Variants in GREB1 observed in about 807,000 individuals in gnomAD.
The protein encoded by GREB1 is protein GREB1.
GREB1 carries 106 observed loss-of-function variants against 200.7 expected under a neutral mutation model. The observed-to-expected ratio is 0.53, with a 90% CI of 0.45 to 0.62. The LOEUF (loss-of-function observed/expected upper bound fraction) is 0.62. Among genes scored for constraint, GREB1 ranks in the 20% least tolerant of loss-of-function variants. The probability of loss-of-function intolerance (pLI) is 0.00; values close to 1 mark genes in which losing one functional copy is unlikely to be tolerated. For synonymous variants in GREB1, 1,132 were observed against 1,092.4 expected, an observed-to-expected ratio of 1.04 and a Z score of -0.72; for missense variants, 2,243 against 2,556.8, an observed-to-expected ratio of 0.88 and a Z score of 2.65.
At chr2:11,555,176 C>T (rs2147861654) in intron 1 of GREB1, among the ~76,000 whole-genome samples, 1 of 151,870 alleles carries the variant, frequency 6.6e-6, no homozygotes, top group South Asian at 2.1e-4. Context: ...CAAGTTAAAC[C>T]AAAGGGAAAT....
chr2:11,597,734 GCCGTGTGCCCT>G lies in GREB1; in HGVS notation c.1955-46_1955-36del. The G allele has an allele frequency of 6.4e-7, 1 of 1,558,692 alleles. No individual in the cohort carries two copies. Among genetic ancestry groups the G allele is most frequent in the Non-Finnish European group, 8.8e-7 (1 of 1,130,718 alleles). On this transcript the variant is annotated intron_variant, in intron 13 of 32. Coordinates refer to ENST00000381486, the MANE Select transcript of GREB1 (RefSeq NM_014668.4). This position sits in a 1 kb window ranked among gnomAD's most constrained non-coding sequence, Gnocchi z 4.1. ...TTCTCTGGCCAAGGGCCTGGCAGTA[GCCGTGTGCCCT>G]GGAGCTCACCTGGCATCCTGGGGCT...
intron 3 of GREB1, among the ~76,000 whole-genome samples, chr2:11,565,691 G>T (rs1677561122): frequency 6.6e-6 from 1 of 152,192 alleles, no homozygotes; most frequent in Admixed American, 6.5e-5. Flanking sequence ...GTTCTGAAGG[G>T]CATGGAATGA....
At chr2:11,490,060 C>T (rs865783555) in intron 1 of GREB1, among the ~76,000 whole-genome samples, 2 of 150,488 alleles carry the variant, frequency 1.3e-5, no homozygotes, top group East Asian at 3.9e-4. Flanking sequence ...TACAATTTTA[C>T]AGTTTATGTG....
Position 11,596,124 on chromosome 2 carries a change from C to A in GREB1, c.1839C>A (p.Asp613Glu). 6.2e-7 allele frequency: 1 copy of A among 1,613,442 alleles called. No homozygotes were observed. The highest frequency in any genetic ancestry group is 8.5e-7 in the Non-Finnish European group (1 of 1,179,564). The change falls in exon 13 of 33, where the codon GAC becomes GAA. Residue 613 changes from aspartate (D) to glutamate (E), a missense_variant. Asp to Glu is a conservative substitution (Grantham distance 45). Coordinates refer to ENST00000381486, the MANE Select transcript of GREB1 (RefSeq NM_014668.4). ...FSTLCPEGDIDILLDKFHQEN... is the reference protein window; with the variant it reads ...FSTLCPEGDIEILLDKFHQEN... ...TGTCTTGGGCAGAGGGTGACATTGA[C>A]ATTTTGCTGGACAAATTTCACCAGG...
intron 4 of GREB1, among the ~76,000 whole-genome samples, chr2:11,570,444 A>G (rs1474470404): frequency 3.3e-5 from 5 of 151,936 alleles, no homozygotes; most frequent in African/African-American, 1.2e-4. Context: ...TAGAAATCCA[A>G]TACAATTATC....
intron 1 of GREB1, among the ~76,000 whole-genome samples, chr2:11,538,852 C>T (rs1263687637): frequency 7.5e-6 from 1 of 133,574 alleles, no homozygotes; most frequent in Admixed American, 7.5e-5. Flanking sequence ...TCCCTTCCTT[C>T]CTTCCTCCCT....
At chr2:11,542,881 C>G (rs751169508) in intron 1 of GREB1, 5 of 152,474 alleles carry the variant, frequency 3.3e-5, no homozygotes, top group Admixed American at 2.6e-4. Flanking sequence ...ATTCTAACAG[C>G]GGTGGCATCC....
rs1443786153 is a variant in GREB1 at position 11,621,006 on chromosome 2, C to T, written c.4146C>T (p.Ile1382=). 2 of 1,572,476 alleles carry T rather than the reference C, an allele frequency of 1.3e-6. No individual in the cohort carries two copies. The highest frequency in any genetic ancestry group is 1.8e-6 in the Non-Finnish European group (2 of 1,141,996). ...TCTATGACGAGGAGGAGATCAATAT[C>T]AGTGAGTTATCTGTTTGGGGTTATG... ...VDVYDEEEIN[I]NLREESDWHY... The change falls in exon 23 of 33, where the codon ATC becomes ATT. Residue 1382 remains isoleucine, a splice_region_variant and synonymous_variant. Coordinates refer to ENST00000381486, the MANE Select transcript of GREB1 (RefSeq NM_014668.4).
intron 1 of GREB1, among the ~76,000 whole-genome samples, chr2:11,537,243 C>T (rs1034828019): frequency 1.3e-5 from 2 of 152,182 alleles, no homozygotes; most frequent in African/African-American, 2.4e-5. Context: ...GGATAACAGT[C>T]GTGAGCCACC....
intron 24 of GREB1, 84 bp downstream of exon 24, chr2:11,625,396 GA>G: frequency 1.5e-6 from 2 of 1,347,250 alleles, no homozygotes; most frequent in Non-Finnish European, 2.1e-6. Context: ...TGTTAGGCAT[GA>G]AATCAGGTGG....
At position 11,588,968 on chromosome 2, in the gene GREB1, G is replaced by A. The variant is rs758906532; in HGVS notation, c.1345+37G>A. 4 of 1,569,766 alleles carry A rather than the reference G, an allele frequency of 2.5e-6. No individual in the cohort carries two copies. The South Asian group carries it at 3.3e-5, about 13-fold the overall frequency. ...CCACCTCCTGGCCCAGTGGCAGGGA[G>A]TGGCCACAGCCCGAGCACAGACCTG... On this transcript the variant is annotated intron_variant, in intron 10 of 32. Coordinates refer to ENST00000381486, the MANE Select transcript of GREB1 (RefSeq NM_014668.4).
intron 4 of GREB1, among the ~76,000 whole-genome samples, chr2:11,573,045 G>A (rs1288085348): frequency 1.3e-5 from 2 of 152,104 alleles, no homozygotes; most frequent in Non-Finnish European, 2.9e-5. Flanking sequence ...GTTGACAGAC[G>A]GGGAAAGCAA....
Position 11,618,686 on chromosome 2 carries a change from T to G in GREB1, c.3811T>G (p.Ser1271Ala). 2 of 1,613,774 alleles carry G rather than the reference T, an allele frequency of 1.2e-6. No homozygotes were observed. The highest frequency in any genetic ancestry group is 1.3e-5 in the African/African-American group (1 of 75,050). ...CAAGCTCGTGTACGACATGGTTGTG[T>G]CCACTGACAGCAGTGGCCTGCCCAA... is the stretch of plus-strand genomic sequence containing the variant. ...LPKLVYDMVV[S>A]TDSSGLPKAA... Residue 1271 changes from serine to alanine, a missense_variant, in exon 22 of 33, where the codon TCC becomes GCC. Around this residue, in one of 3 missense-constraint regions of GREB1, gnomAD observed 587 missense variants for 553.1 expected, o/e 1.06. Coordinates refer to ENST00000381486, the MANE Select transcript of GREB1 (RefSeq NM_014668.4).
At chr2:11,572,466 A>G (rs537825412) in intron 4 of GREB1, among the ~76,000 whole-genome samples, 2 of 152,322 alleles carry the variant, frequency 1.3e-5, no homozygotes, top group African/African-American at 4.8e-5. Flanking sequence ...GAAGGAAGCC[A>G]CCTATGGATG....
chr2:11,611,117 C>T (rs1187011306), intron 18 of GREB1, 90 bp downstream of exon 18: 1 of 1,135,184 alleles, frequency 8.8e-7, no homozygotes, highest in South Asian at 1.6e-5. Flanking sequence ...TCACGAACCC[C>T]ACAGCGTGGC....
At chr2:11,530,226 T>C (rs983314371), upstream of GREB1, among the ~76,000 whole-genome samples, 3 of 151,978 alleles carry the variant, frequency 2.0e-5, no homozygotes, top group Non-Finnish European at 4.4e-5. Flanking sequence ...CACACCCAGC[T>C]AATTTTTGCA....
chr2:11,614,604 C>T (rs1174016318), intron 19 of GREB1, among the ~76,000 whole-genome samples: 1 of 151,958 alleles, frequency 6.6e-6, no homozygotes, highest in Non-Finnish European at 1.5e-5. Context: ...GGCTCTGTCG[C>T]CCCGGCTGGA....
At chr2:11,512,823 A>C (rs1244079659) in intron 1 of GREB1, among the ~76,000 whole-genome samples, 1 of 152,218 alleles carries the variant, frequency 6.6e-6, no homozygotes, top group Non-Finnish European at 1.5e-5. Context: ...GAAAAGAATG[A>C]GACTTAGGAG....
At chr2:11,529,884 C>G (rs941371275), upstream of GREB1, among the ~76,000 whole-genome samples, 2 of 151,974 alleles carry the variant, frequency 1.3e-5, no homozygotes, top group East Asian at 3.8e-4. Flanking sequence ...AAATGTAAAA[C>G]TAAACAAAAC....
Sources: gnomAD v4.1 joint callset for allele counts (sites outside exome capture counted in the v4.1 genomes callset) on GRCh38, gnomAD v4.1.1 for gene constraint, gnomAD v4.1.1 regional missense constraint, Gnocchi (gnomAD v3.1) non-coding constraint, MANE v1.5 for transcripts, NCBI Gene and HGNC (gene_info 2026-07-23, HGNC 2026-07-21) for gene names.